The following NHEJ1 variants were observed in gnomAD, a reference collection of about 807,000 sequenced individuals.
NHEJ1 encodes the protein non-homologous end joining factor 1, also known as non-homologous end-joining factor 1.
NHEJ1 carries 22 observed loss-of-function variants against 39.4 expected under a neutral mutation model. That is an observed-to-expected ratio of 0.56 (90% confidence interval 0.40 to 0.80). NHEJ1 has a LOEUF of 0.80. Among genes scored for constraint, NHEJ1 ranks in the 30% least tolerant of loss-of-function variants. NHEJ1 has a pLI of 0.00. For missense variants in NHEJ1, 329 were observed against 357.1 expected (o/e 0.92, Z 0.63); for synonymous variants, 154 against 135.6 (o/e 1.14, Z -0.94).
At chr2:219,125,354 C>T (rs1220729152) in intron 5 of NHEJ1, 1 of 152,230 alleles carries the variant, frequency 6.6e-6, no homozygotes, top group Admixed American at 6.5e-5. Flanking sequence ...TCTTGGGTGA[C>T]TCACACTGGG....
rs893103769 is a variant in NHEJ1, at chr2:219,071,492, C to A, written c.*4889G>T. The stretch of plus-strand genomic sequence containing the variant: ...TGATTAACCATGTTAGACAACAATG[C>A]CGAGCTGGGATGGGCTTCCCCTTCC... On this transcript the variant is annotated 3_prime_UTR_variant, in exon 8 of 8. Coordinates refer to ENST00000356853, the MANE Select transcript of NHEJ1 (RefSeq NM_024782.3). 2.0e-5 allele frequency among the ~76,000 whole-genome samples: 3 copies of A among 152,178 alleles called. No homozygotes were observed. The highest frequency in any genetic ancestry group is 2.9e-5 in the Non-Finnish European group (2 of 68,024).
At chr2:219,127,112 C>A (rs1400712908) in intron 5 of NHEJ1, among the ~76,000 whole-genome samples, 5 of 152,280 alleles carry the variant, frequency 3.3e-5, no homozygotes, top group Non-Finnish European at 5.9e-5. Flanking sequence ...CAGCAGGAAG[C>A]CACTGAACAG....
At chr2:219,095,237 C>T (rs1171378975) in intron 5 of NHEJ1, 2 of 465,418 alleles carry the variant, frequency 4.3e-6, no homozygotes, top group Non-Finnish European at 8.9e-6. Flanking sequence ...ATCTGTGAGA[C>T]AGTATGTCAG....
At chr2:219,109,508 C>G (rs1949343950) in intron 5 of NHEJ1, among the ~76,000 whole-genome samples, 1 of 152,138 alleles carries the variant, frequency 6.6e-6, no homozygotes, top group East Asian at 1.9e-4. Flanking sequence ...CCTTGGGGAC[C>G]CAGAGCCACA....
intron 5 of NHEJ1, among the ~76,000 whole-genome samples, chr2:219,097,112 C>T (rs1304278565): frequency 3.3e-5 from 5 of 152,152 alleles, no homozygotes; most frequent in African/African-American, 1.2e-4. Context: ...TTCTGCCCAA[C>T]AGAAGGCTAA....
chr2:219,104,063 TTTTG>T (rs571916192), intron 5 of NHEJ1, among the ~76,000 whole-genome samples: 35 of 152,312 alleles, frequency 2.3e-4, no homozygotes, highest in African/African-American at 7.7e-4. Flanking sequence ...TTTTGTTTTT[TTTTG>T]TTTGTTTGTT....
intron 5 of NHEJ1, 128 bp from the exon 6 acceptor site, chr2:219,078,334 C>G: frequency 3.7e-6 from 3 of 806,984 alleles, no homozygotes; most frequent in Non-Finnish European, 6.4e-6. Flanking sequence ...CAATAGGGGG[C>G]GACCATATCC....
intron 2 of NHEJ1, 70 bp downstream of exon 2, chr2:219,158,116 G>A: frequency 6.5e-7 from 1 of 1,541,602 alleles, no homozygotes; most frequent in Middle Eastern, 1.9e-4. Flanking sequence ...ACCTTCCTTG[G>A]GAAACTACAG....
intron 3 of NHEJ1, among the ~76,000 whole-genome samples, chr2:219,151,063 C>A (rs1217288430): frequency 7.0e-6 from 1 of 143,526 alleles, no homozygotes; most frequent in Admixed American, 7.4e-5. Context: ...AGGAGGTGGA[C>A]GTTGCAGTGG....
chr2:219,131,016 T>C (rs1342546940), intron 5 of NHEJ1, among the ~76,000 whole-genome samples: 1 of 152,094 alleles, frequency 6.6e-6, no homozygotes, highest in Non-Finnish European at 1.5e-5. Flanking sequence ...CACTTGAGCC[T>C]GGAACATCAA....
rs182091123 is a variant in NHEJ1 at position 219,076,205 on chromosome 2, C to T, written c.*176G>A. On this transcript the variant is annotated 3_prime_UTR_variant, in exon 8 of 8. Transcript: ENST00000356853. ...TCTCAGAGACTGGCTTCCACTTGAA[C>T]AGGGAAGGCCAATTCCCTGTGGGCC... 1.4e-6 allele frequency: 2 copies of T among 1,400,866 alleles called. No individual in the cohort carries two copies. The highest frequency in any genetic ancestry group is 1.4e-5 in the African/African-American group (1 of 69,456). 86.8% of individuals were successfully genotyped at this position (1,400,866 alleles called of 1,614,324 possible).
intron 5 of NHEJ1, among the ~76,000 whole-genome samples, chr2:219,105,219 TCAGAAGTATC>T (rs1267531250): frequency 7.2e-5 from 11 of 152,182 alleles, no homozygotes; most frequent in African/African-American, 2.7e-4. Context: ...AGGGTGTTAA[TCAGAAGTATC>T]AACTGTCACT....
At chr2:219,085,495 C>T (rs1949103544) in intron 5 of NHEJ1, among the ~76,000 whole-genome samples, 1 of 152,122 alleles carries the variant, frequency 6.6e-6, no homozygotes, top group South Asian at 2.1e-4. Context: ...CTAACACTGC[C>T]CTGTGTTTGG....
intron 5 of NHEJ1, among the ~76,000 whole-genome samples, chr2:219,144,463 G>C (rs1187390888): frequency 6.6e-6 from 1 of 152,066 alleles, no homozygotes; most frequent in Non-Finnish European, 1.5e-5. Flanking sequence ...TAGCAGGGAA[G>C]AAGAATAGTC....
chr2:219,104,283 A>G (rs1284407211), intron 5 of NHEJ1, among the ~76,000 whole-genome samples: 3 of 152,190 alleles, frequency 2.0e-5, no homozygotes, highest in Non-Finnish European at 4.4e-5. Context: ...GCCTGCAACT[A>G]TGCCAAAAGA....
chr2:219,084,172 A>G (rs1003435516), intron 5 of NHEJ1, among the ~76,000 whole-genome samples: 2 of 151,530 alleles, frequency 1.3e-5, no homozygotes, highest in Non-Finnish European at 2.9e-5. Flanking sequence ...ACGCCTGGCT[A>G]ATTTTTGTAT....
chr2:219,083,456 G>T (rs1017520150), intron 5 of NHEJ1, among the ~76,000 whole-genome samples: 4 of 114,906 alleles, frequency 3.5e-5, no homozygotes, highest in Admixed American at 9.0e-5. Flanking sequence ...TCAGGAATTA[G>T]AAAAAAAATT....
At chr2:219,141,426 G>A (rs1949690755) in intron 5 of NHEJ1, among the ~76,000 whole-genome samples, 1 of 149,216 alleles carries the variant, frequency 6.7e-6, no homozygotes, top group Non-Finnish European at 1.5e-5. Flanking sequence ...AGAGAAAAAT[G>A]GCTAATTTCA....
intron 1 of NHEJ1, among the ~76,000 whole-genome samples, chr2:219,159,570 TATATGC>T (rs1284503253): frequency 2.7e-4 from 4 of 14,844 alleles, no homozygotes; most frequent in Non-Finnish European, 2.3e-3. Context: ...TATGCATATA[TATATGC>T]ATATATATAT....
Sources: gnomAD v4.1 joint callset for allele counts (sites outside exome capture counted in the v4.1 genomes callset) on GRCh38, gnomAD v4.1.1 for gene constraint, MANE v1.5 for transcripts, NCBI Gene and HGNC (gene_info 2026-07-23, HGNC 2026-07-21) for gene names.